The following C2 variants were observed in gnomAD, a reference collection of about 807,000 sequenced individuals.
C2 encodes complement C2.
Under a neutral mutation model 85.2 loss-of-function variants are expected in C2, and 64 were observed. That is an observed-to-expected ratio of 0.75 (90% CI 0.61 to 0.92). The LOEUF is 0.92. Among genes scored for constraint, C2 ranks in the 40% least tolerant of loss-of-function variants. The pLI, the probability that C2 is intolerant of heterozygous loss-of-function variation, is 0.00. For missense variants in C2, 820 were observed against 971.6 expected (o/e 0.84, Z 2.07); for synonymous variants, 311 against 370.8 (o/e 0.84, Z 1.85).
chr6:31,923,714 C>T (rs183369193), upstream of C2, among the ~76,000 whole-genome samples: 5,120 of 151,356 alleles, frequency 0.034, 106 homozygotes, highest in South Asian at 0.056. Flanking sequence ...TGGTCTCGAT[C>T]TCCTGACCTC....
intron 1 of C2, among the ~76,000 whole-genome samples, chr6:31,913,030 CA>C (rs34465217): frequency 0.12 from 8,788 of 70,764 alleles, 182 homozygotes; most frequent in African/African-American, 0.15. Flanking sequence ...CCTGTTTCCA[CA>C]AAAAAAAAAA....
intron 8 of C2, 144 bp from the exon 9 acceptor site, chr6:31,939,086 AC>A: frequency 2.8e-6 from 2 of 716,230 alleles, no homozygotes; most frequent in Non-Finnish European, 5.1e-6. Context: ...GGTGTGAGCC[AC>A]CATGCCCAGC....
intron 1 of C2, among the ~76,000 whole-genome samples, chr6:31,912,846 G>GAA (rs1178093181): frequency 3.2e-5 from 1 of 31,660 alleles, no homozygotes. Flanking sequence ...TCTCAAAAAA[G>GAA]AAAAAAAAAA....
chr6:31,912,205 C>G (rs1768162124), intron 1 of C2, among the ~76,000 whole-genome samples: 1 of 152,214 alleles, frequency 6.6e-6, no homozygotes, highest in Non-Finnish European at 1.5e-5. Context: ...TTCAGCTTCC[C>G]TGCTAATGCT....
chr6:31,898,007 G>A (rs975174304), upstream of C2: 4 of 699,186 alleles, frequency 5.7e-6, no homozygotes, highest in Non-Finnish European at 7.1e-6. Flanking sequence ...TGGCCTGGTT[G>A]GGCTTTTCCC....
In C2 at chr6:31,904,107, A is replaced by C. The variant is rs1415462151; in HGVS notation, c.73+2968A>C. ...CAAGTTACTTAATTCTCTGAATCAC[A>C]GTGTCCTTATCTTTGTCTCCCCCGC... On this transcript the variant is annotated intron_variant, in intron 1 of 3. Coordinates refer to the C2 transcript ENST00000452202. This position sits in a 1 kb window ranked among gnomAD's most constrained non-coding sequence, Gnocchi z 4.4. Among the ~76,000 whole-genome samples the C allele has an allele frequency of 6.6e-6, 1 of 151,864 alleles. No homozygotes were observed. Among genetic ancestry groups the C allele is most frequent in the Non-Finnish European group, 1.5e-5 (1 of 67,988 alleles).
Position 31,943,442 on chromosome 6 carries a change from G to C in C2, c.1482G>C (p.Gly494=). The C allele has an allele frequency of 6.2e-7, 1 of 1,613,058 alleles. No homozygotes were observed. Among genetic ancestry groups the C allele is most frequent in the Non-Finnish European group, 8.5e-7 (1 of 1,180,018 alleles). ...CCAAGAGCCAAGAGACCTGCCGGGG[G>C]GCCCTCATCTCCGACCAATGGGTCC... ...IKPKSQETCR[G]ALISDQWVLT... is the part of the protein sequence containing the mutation. Residue 494 remains glycine (G), a synonymous_variant, in exon 12 of 18, where the codon GGG becomes GGC. Coordinates refer to ENST00000299367, the MANE Select transcript of C2 (RefSeq NM_000063.6). This position sits in a 1 kb window ranked among gnomAD's most constrained non-coding sequence, Gnocchi z 6.4.
At chr6:31,937,032 A>G in intron 7 of C2, 1 of 404,308 alleles carries the variant, frequency 2.5e-6, no homozygotes, top group South Asian at 2.4e-5. Flanking sequence ...ACATGGTGAA[A>G]CCCCATCTCT....
At chr6:31,937,232 C>A in intron 7 of C2, 87 bp from the exon 8 acceptor site, 1 of 1,418,494 alleles carries the variant, frequency 7.0e-7, no homozygotes, top group Non-Finnish European at 9.9e-7. Context: ...ATTGCATTTC[C>A]AATAATTGGG....
At chr6:31,938,428 G>A (rs1056186280) in intron 8 of C2, among the ~76,000 whole-genome samples, 4 of 149,374 alleles carry the variant, frequency 2.7e-5, no homozygotes. Flanking sequence ...GAACATTTCA[G>A]TAAAAGTGTG....
At chr6:31,899,910 C>A, upstream of C2, 2 of 1,559,278 alleles carry the variant, frequency 1.3e-6, no homozygotes, top group South Asian at 1.2e-5. Flanking sequence ...GCCTCCTGGC[C>A]TCCACGCCTG....
At chr6:31,912,316 C>T (rs1768170330) in intron 1 of C2, among the ~76,000 whole-genome samples, 1 of 152,158 alleles carries the variant, frequency 6.6e-6, no homozygotes, top group Non-Finnish European at 1.5e-5. Flanking sequence ...TTCAGTGCTC[C>T]TCTTACTTGA....
In C2 at chr6:31,933,766, C is replaced by T. The variant is rs772837862; in HGVS notation, c.599C>T (p.Thr200Met). The change falls in exon 4 of 18, where the codon ACG becomes ATG. Residue 200 changes from threonine to methionine, a missense_variant. By Grantham distance (81) the Thr-to-Met change is moderately conservative. Coordinates refer to ENST00000299367, the MANE Select transcript of C2 (RefSeq NM_000063.6). Reference sequence around the variant, plus strand: ...CAGGGCAACGGGGTCTGGAGTGGAACGGAGCCCATCTGCCGCCGTGAGTAG... The same window carrying T: ...CAGGGCAACGGGGTCTGGAGTGGAATGGAGCCCATCTGCCGCCGTGAGTAG... ...ECQGNGVWSG[T>M]EPICRQPYSY... The T allele has an allele frequency of 2.7e-5, 43 of 1,613,698 alleles. No individual in the cohort carries two copies. The highest frequency in any genetic ancestry group is 6.7e-5 in the Admixed American group (4 of 60,016).
Position 31,928,696 on chromosome 6 carries a change from A to G in C2, c.257-36A>G, listed in dbSNP as rs747681654. 2.0e-5 allele frequency: 32 copies of G among 1,607,586 alleles called. No individual in the cohort carries two copies. In the Admixed American group the frequency reaches 4.8e-4, roughly 24 times the overall value. ...TCCCCAGCCCAGGTGTTATCCATCC[A>G]GTCCTATATTCCCCACCCACTTCCT... On this transcript the variant is annotated intron_variant, in intron 2 of 17. Coordinates refer to ENST00000299367, the MANE Select transcript of C2 (RefSeq NM_000063.6).
At chr6:31,942,806 G>T in intron 9 of C2, 153 bp from the exon 10 acceptor site, 1 of 850,330 alleles carries the variant, frequency 1.2e-6, no homozygotes, top group Non-Finnish European at 1.9e-6. Context: ...GGAGTGGCAG[G>T]AAATGAAGGC....
intron 3 of C2, among the ~76,000 whole-genome samples, chr6:31,931,699 A>G (rs1458518264): frequency 6.6e-6 from 1 of 152,092 alleles, no homozygotes; most frequent in Non-Finnish European, 1.5e-5. Flanking sequence ...CGATTTCTCA[A>G]TCTTTTCCCC....
Position 31,942,950 on chromosome 6 carries a change from C to T in C2, c.1220-9C>T. 2 of 1,613,000 alleles carry T rather than the reference C, an allele frequency of 1.2e-6. No homozygotes were observed. Among genetic ancestry groups the T allele is most frequent in the Non-Finnish European group, 1.7e-6 (2 of 1,179,986 alleles). Reference sequence around the variant, plus strand: ...ACAGGAGTCTGGTGATTTCCCTCTTCCCCACCAGACATCTATGCCATCGGG... The same window carrying T: ...ACAGGAGTCTGGTGATTTCCCTCTTTCCCACCAGACATCTATGCCATCGGG... On this transcript the variant is annotated splice_polypyrimidine_tract_variant and intron_variant, in intron 9 of 17. Coordinates refer to ENST00000299367, the MANE Select transcript of C2 (RefSeq NM_000063.6).
At position 31,945,498 on chromosome 6, in the gene C2, C is replaced by T. The variant is rs1026987640; in HGVS notation, c.*141C>T. Reference sequence around the variant, plus strand: ...CGGGTCTCTAGGATGCCAGAGGCAGCGCACACAAGCTGGGAAATCCTCAGG... The same window carrying T: ...CGGGTCTCTAGGATGCCAGAGGCAGTGCACACAAGCTGGGAAATCCTCAGG... On this transcript the variant is annotated 3_prime_UTR_variant, in exon 18 of 18. Coordinates refer to ENST00000299367, the MANE Select transcript of C2 (RefSeq NM_000063.6). The surrounding 1 kb of genome is among the most constrained non-coding windows in gnomAD (Gnocchi z 5.3). 7.2e-5 allele frequency: 59 copies of T among 816,000 alleles called. No individual in the cohort carries two copies. In the East Asian group the frequency reaches 1.2e-3, roughly 17 times the overall value. 50.5% of individuals were successfully genotyped at this position (816,000 alleles called of 1,614,324 possible). A position where few individuals can be genotyped will look rare whatever the true frequency, so the allele number is the denominator to read the frequency against.
intron 1 of C2, chr6:31,901,391 C>T: frequency 7.1e-7 from 1 of 1,410,360 alleles, no homozygotes. Context: ...GCTCCAGGAC[C>T]CTCGCCCCCA....
Sources: allele counts gnomAD v4.1 joint callset (sites outside exome capture counted in the v4.1 genomes callset), GRCh38; gene constraint gnomAD v4.1.1; non-coding constraint Gnocchi (gnomAD v3.1); transcripts MANE v1.5; gene names NCBI Gene and HGNC (gene_info 2026-07-23, HGNC 2026-07-21).